The following SDK1 variants were observed in gnomAD, a reference collection of about 807,000 sequenced individuals.
SDK1 encodes sidekick cell adhesion molecule 1, also known as protein sidekick-1.
SDK1 carries 157 observed loss-of-function variants against 245.5 expected under a neutral mutation model. The observed-to-expected ratio is 0.64, with a 90% CI of 0.56 to 0.73. The LOEUF (loss-of-function observed/expected upper bound fraction) is 0.73, where lower values mean the gene tolerates loss of function less well. Among genes scored for constraint, SDK1 ranks in the 30% least tolerant of loss-of-function variants. The pLI, the probability that SDK1 is intolerant of heterozygous loss-of-function variation, is 0.00. For synonymous variants in SDK1, 1,647 were observed against 1,278.5 expected (o/e 1.29, Z -6.15); for missense variants, 3,583 against 3,002.3 (o/e 1.19, Z -4.52).
intron 4 of SDK1, among the ~76,000 whole-genome samples, chr7:3,704,437 T>G (rs1189816957): frequency 6.6e-6 from 1 of 152,080 alleles, no homozygotes; most frequent in Non-Finnish European, 1.5e-5. Flanking sequence ...AGTTTTAATT[T>G]GCATTTCCCT....
chr7:3,304,201 T>C (rs1018389571), intron 1 of SDK1, among the ~76,000 whole-genome samples: 1 of 152,188 alleles, frequency 6.6e-6, no homozygotes, highest in Non-Finnish European at 1.5e-5. Context: ...TTCTATGCGG[T>C]GATGAGAATT....
At chr7:3,568,635 C>T (rs1257436122) in intron 1 of SDK1, among the ~76,000 whole-genome samples, 1 of 152,160 alleles carries the variant, frequency 6.6e-6, no homozygotes, top group Non-Finnish European at 1.5e-5. Context: ...TGGTTCTCAC[C>T]AGCCACCCAT....
At chr7:3,451,954 T>C (rs539644158) in intron 1 of SDK1, among the ~76,000 whole-genome samples, 1 of 152,324 alleles carries the variant, frequency 6.6e-6, no homozygotes, top group African/African-American at 2.4e-5. Context: ...TTATGAGCTC[T>C]GACTCCAATA....
intron 1 of SDK1, among the ~76,000 whole-genome samples, chr7:3,568,819 C>A (rs1780008810): frequency 1.3e-5 from 2 of 152,212 alleles, no homozygotes; most frequent in African/African-American, 2.4e-5. Flanking sequence ...TCAGGCACCA[C>A]ACAAATTCCA....
chr7:3,426,382 T>A (rs183488633), intron 1 of SDK1, among the ~76,000 whole-genome samples: 2 of 152,144 alleles, frequency 1.3e-5, no homozygotes, highest in East Asian at 3.9e-4. Flanking sequence ...AGGTGTGGAG[T>A]TGGACAGGCT....
intron 5 of SDK1, among the ~76,000 whole-genome samples, chr7:3,906,107 A>T (rs956102480): frequency 2.6e-5 from 4 of 151,516 alleles, no homozygotes; most frequent in Middle Eastern, 3.4e-3. Flanking sequence ...TCTCTTTTTC[A>T]TTCAGTTATT....
chr7:4,252,831 C>CT (rs1298338187), intron 44 of SDK1, among the ~76,000 whole-genome samples: 2 of 150,472 alleles, frequency 1.3e-5, no homozygotes, highest in Admixed American at 1.3e-4. Context: ...GTTTCCCCCC[C>CT]CCTCTTTTTT....
chr7:4,122,436 G>A (rs1784126850), intron 25 of SDK1, among the ~76,000 whole-genome samples: 1 of 152,128 alleles, frequency 6.6e-6, no homozygotes, highest in Non-Finnish European at 1.5e-5. Context: ...TCTGAAATAA[G>A]TCTCCCCTCA....
intron 1 of SDK1, among the ~76,000 whole-genome samples, chr7:3,616,104 T>C (rs1224239448): frequency 1.3e-5 from 2 of 152,132 alleles, no homozygotes; most frequent in African/African-American, 4.8e-5. Context: ...TCCAAGCTGG[T>C]CTTGCACTCG....
At chr7:4,011,297 C>T (rs996279845) in intron 15 of SDK1, among the ~76,000 whole-genome samples, 184 bp downstream of exon 15, 2 of 152,256 alleles carry the variant, frequency 1.3e-5, no homozygotes, top group African/African-American at 4.8e-5. Context: ...GCAGACTTAG[C>T]TGGGCCTTCC....
chr7:3,605,614 C>T (rs1416333879), intron 1 of SDK1, among the ~76,000 whole-genome samples: 1 of 152,102 alleles, frequency 6.6e-6, no homozygotes, highest in Non-Finnish European at 1.5e-5. Context: ...ATGTCACCTA[C>T]TATTTAATTT....
Position 4,077,050 on chromosome 7 carries a change from C to T in SDK1, c.3063C>T (p.His1021=). 1 of 1,614,196 alleles carries T rather than the reference C, an allele frequency of 6.2e-7. No individual in the cohort carries two copies. Among genetic ancestry groups the T allele is most frequent in the Non-Finnish European group, 8.5e-7 (1 of 1,180,016 alleles). ...GCAGGAACGACTCTCGTCTCACGCA[C>T]ACCCTGAACAGCACGACGCACGAGT... ...VYGRNDSRLT[H]TLNSTTHEYK... Residue 1021 remains histidine, a synonymous_variant, in exon 21 of 45, where the codon CAC becomes CAT. Transcript: ENST00000404826.
intron 1 of SDK1, among the ~76,000 whole-genome samples, chr7:3,537,586 T>C (rs552076619): frequency 5.9e-5 from 9 of 152,230 alleles, no homozygotes; most frequent in Non-Finnish European, 1.0e-4. Context: ...ACTGCAAGCT[T>C]GTTTAAAAAA....
chr7:3,600,463 G>C (rs374188643), intron 1 of SDK1, among the ~76,000 whole-genome samples: 1 of 151,742 alleles, frequency 6.6e-6, no homozygotes, highest in Admixed American at 6.6e-5. Context: ...TTGAATAGGA[G>C]TGATGAGAGC....
chr7:4,023,202 C>G (rs1468638630), intron 17 of SDK1, among the ~76,000 whole-genome samples: 1 of 152,170 alleles, frequency 6.6e-6, no homozygotes, highest in African/African-American at 2.4e-5. Flanking sequence ...TTAATATAAA[C>G]TTTCTAACTT....
chr7:3,367,418 C>G (rs919561407), intron 1 of SDK1, among the ~76,000 whole-genome samples: 2 of 152,104 alleles, frequency 1.3e-5, no homozygotes, highest in Non-Finnish European at 1.5e-5. Context: ...TATTTCAAGC[C>G]AACTGTCACA....
At chr7:3,404,551 G>A (rs547280940) in intron 1 of SDK1, among the ~76,000 whole-genome samples, 2 of 152,262 alleles carry the variant, frequency 1.3e-5, no homozygotes, top group South Asian at 4.1e-4. Flanking sequence ...TATTTTTGTT[G>A]TGAAAGAATA....
chr7:3,994,322 C>G (rs1043298376), intron 14 of SDK1, among the ~76,000 whole-genome samples: 2 of 152,282 alleles, frequency 1.3e-5, no homozygotes, highest in South Asian at 4.1e-4. Context: ...TCATCTGACC[C>G]CAAAGTTGTT....
chr7:3,821,447 CAG>C lies in SDK1; in HGVS notation c.714_715del. On this transcript the variant is annotated splice_acceptor_variant, in intron 4 of 44. Coordinates refer to ENST00000404826, the MANE Select transcript of SDK1 (RefSeq NM_152744.4). LOFTEE classifies it high-confidence loss of function. ...GACACTGTCCTCTTCTTTTCTGAAA[CAG>C]AGCCATCACATTGGAGAATCAGCTG... is the stretch of plus-strand genomic sequence containing the variant. 1 of 1,612,010 alleles carries C rather than the reference CAG, an allele frequency of 6.2e-7. No individual in the cohort carries two copies. Among genetic ancestry groups the C allele is most frequent in the Non-Finnish European group, 8.5e-7 (1 of 1,179,252 alleles).
Sources: allele counts gnomAD v4.1 joint callset (sites outside exome capture counted in the v4.1 genomes callset), GRCh38; gene constraint gnomAD v4.1.1; transcripts MANE v1.5; gene names NCBI Gene and HGNC (gene_info 2026-07-23, HGNC 2026-07-21).